Variants in ANK3 observed in about 807,000 individuals in gnomAD.
The protein encoded by ANK3 is ankyrin 3, also known as ankyrin-3.
ANK3 carries 57 observed loss-of-function variants against 370.9 expected under a neutral mutation model. The ratio of observed to expected loss-of-function variants is 0.15; its 90% CI spans 0.12 to 0.19. The LOEUF (loss-of-function observed/expected upper bound fraction) is 0.19, where lower values mean the gene tolerates loss of function less well. Ranked by LOEUF, ANK3 falls within the 10% of genes least tolerant of loss-of-function variation. ANK3 has a pLI of 1.00. For missense variants in ANK3, 4,439 were observed against 5,302.1 expected (o/e 0.84, Z 5.06); for synonymous variants, 1,929 against 1,946.3 (o/e 0.99, Z 0.23).
chr10:60,559,771 A>G (rs2077292236), intron 2 of ANK3, among the ~76,000 whole-genome samples: 1 of 152,232 alleles, frequency 6.6e-6, no homozygotes, highest in Non-Finnish European at 1.5e-5. Context: ...TATAAGTAGC[A>G]GACAAAAGGC....
intron 1 of ANK3, among the ~76,000 whole-genome samples, chr10:60,310,007 C>G (rs184949273): frequency 2.7e-5 from 4 of 149,354 alleles, no homozygotes; most frequent in Non-Finnish European, 5.9e-5. Flanking sequence ...CTCACTGTAA[C>G]CTCAAACTCT....
At chr10:60,487,562 G>C (rs2075380592) in intron 2 of ANK3, among the ~76,000 whole-genome samples, 1 of 146,434 alleles carries the variant, frequency 6.8e-6, no homozygotes, top group Non-Finnish European at 1.5e-5. Context: ...GCAGTGCAGA[G>C]GGAGGAATAC....
chr10:60,045,414 T>C (rs763178261), intron 42 of ANK3, among the ~76,000 whole-genome samples: 3 of 152,226 alleles, frequency 2.0e-5, no homozygotes, highest in Non-Finnish European at 4.4e-5. Flanking sequence ...GGCTCCATAG[T>C]ATCTCTCCAC....
At chr10:60,123,116 C>T (rs1300787380) in intron 25 of ANK3, among the ~76,000 whole-genome samples, 1 of 152,062 alleles carries the variant, frequency 6.6e-6, no homozygotes, top group Non-Finnish European at 1.5e-5. Context: ...AAAAACTAGG[C>T]AATACGAAGT....
chr10:60,603,496 T>C lies in ANK3; in HGVS notation c.96+11690A>G, dbSNP rs139733807. ...AGTTTATATGCAAATATTATATCCC[T>C]GAATTTCAAAAACATTTACATCAGT... is the stretch of plus-strand genomic sequence containing the variant. On this transcript the variant is annotated intron_variant, in intron 2 of 43. Coordinates refer to the ANK3 transcript ENST00000373827. 3.4e-3 allele frequency among the ~76,000 whole-genome samples: 521 copies of C among 152,258 alleles called. 2 individuals are homozygous for C. Among genetic ancestry groups the C allele is most frequent in the South Asian group, 0.018 (88 of 4,828 alleles).
rs756986467 is a variant in ANK3 at position 60,069,851 on chromosome 10, G to C, written c.11030C>G (p.Thr3677Arg). 2 of 1,614,038 alleles carry C rather than the reference G, an allele frequency of 1.2e-6. No homozygotes were observed. Among genetic ancestry groups the C allele is most frequent in the Non-Finnish European group, 1.7e-6 (2 of 1,179,984 alleles). The change falls in exon 37 of 44, where the codon ACA becomes AGA. Residue 3677 changes from threonine to arginine, a missense_variant. Around this residue, in one of 13 missense-constraint regions of ANK3, gnomAD observed 496 missense variants for 529.3 expected, o/e 0.94. Transcript: ENST00000280772. ...GCTGGGGTTAGGTTCCACTGTAGGT[G>C]TCTCTACATTTCTCTCTAGATTGGT... ...VETNLERNVE[T>R]PTVEPNPSIP... is the part of the protein sequence containing the mutation.
chr10:60,367,446 T>C (rs898949258), intron 1 of ANK3, among the ~76,000 whole-genome samples: 3 of 152,204 alleles, frequency 2.0e-5, no homozygotes, highest in African/African-American at 7.2e-5. Flanking sequence ...GGCTTTGAAA[T>C]TAGAGAAAGA....
At chr10:60,209,340 G>C (rs1388925634) in intron 9 of ANK3, among the ~76,000 whole-genome samples, 1 of 152,204 alleles carries the variant, frequency 6.6e-6, no homozygotes, top group Non-Finnish European at 1.5e-5. Flanking sequence ...TCTGAGCCAA[G>C]TTATTTGCTC....
intron 1 of ANK3, among the ~76,000 whole-genome samples, chr10:60,356,602 C>T (rs1200707645): frequency 1.3e-5 from 2 of 152,220 alleles, no homozygotes; most frequent in Non-Finnish European, 2.9e-5. Flanking sequence ...TATTGGATTG[C>T]CAACCATCCT....
At chr10:60,300,609 C>T (rs2043487496) in intron 1 of ANK3, 1 of 1,098,358 alleles carries the variant, frequency 9.1e-7, no homozygotes, top group Non-Finnish European at 1.1e-6. Context: ...ACCATATTGG[C>T]TCTGTGGATT....
At chr10:60,357,642 C>T (rs770272348) in intron 1 of ANK3, among the ~76,000 whole-genome samples, 29 of 152,222 alleles carry the variant, frequency 1.9e-4, no homozygotes, top group Non-Finnish European at 3.7e-4. Flanking sequence ...AATGGACCCT[C>T]AACAGTGCCA....
chr10:60,168,347 G>GC (rs1294950152), intron 21 of ANK3, among the ~76,000 whole-genome samples: 1 of 152,096 alleles, frequency 6.6e-6, no homozygotes, highest in Admixed American at 6.5e-5. Context: ...TCTTTTATTA[G>GC]CATGGAAAAT....
chr10:60,269,670 C>T (rs2097937585), intron 5 of ANK3, among the ~76,000 whole-genome samples: 1 of 136,120 alleles, frequency 7.3e-6, no homozygotes, highest in South Asian at 2.3e-4. Context: ...AAAAAAGTAC[C>T]ATAGTTTTAT....
intron 1 of ANK3, among the ~76,000 whole-genome samples, chr10:60,292,316 C>G (rs1335846598): frequency 6.6e-6 from 1 of 151,878 alleles, no homozygotes; most frequent in Non-Finnish European, 1.5e-5. Context: ...TTCTGATTAC[C>G]TCTTGAGACA....
chr10:60,178,319 C>T (rs2096038639), intron 18 of ANK3, among the ~76,000 whole-genome samples: 1 of 152,200 alleles, frequency 6.6e-6, no homozygotes, highest in African/African-American at 2.4e-5. Flanking sequence ...TAGATATAGA[C>T]CTGTGGTTAA....
chr10:60,140,412 G>A (rs767037030), intron 23 of ANK3: 3 of 1,613,352 alleles, frequency 1.9e-6, no homozygotes, highest in South Asian at 2.2e-5. Context: ...ATGTTTCCAG[G>A]AATTCCTTAA....
intron 2 of ANK3, chr10:60,507,760 A>G (rs1297916435): frequency 6.6e-6 from 1 of 152,084 alleles, no homozygotes; most frequent in African/African-American, 2.4e-5. Flanking sequence ...AGAGTAATGA[A>G]GATATTAAAA....
At chr10:60,157,886 A>AG (rs2095385353) in intron 23 of ANK3, among the ~76,000 whole-genome samples, 11 of 132,862 alleles carry the variant, frequency 8.3e-5, no homozygotes, top group East Asian at 7.3e-4. Context: ...GAGAGAGAAA[A>AG]AGAGAGAGAG....
chr10:60,468,787 T>A (rs1180420111), intron 2 of ANK3, among the ~76,000 whole-genome samples: 1 of 151,662 alleles, frequency 6.6e-6, no homozygotes, highest in Non-Finnish European at 1.5e-5. Flanking sequence ...CAATATACAC[T>A]GGTTATTGTG....
Sources: gnomAD v4.1 joint callset for allele counts (sites outside exome capture counted in the v4.1 genomes callset) on GRCh38, gnomAD v4.1.1 for gene constraint, gnomAD v4.1.1 regional missense constraint, MANE v1.5 for transcripts, NCBI Gene and HGNC (gene_info 2026-07-23, HGNC 2026-07-21) for gene names.